The following HSPBP1 variants were observed in gnomAD, a reference collection of about 807,000 sequenced individuals.
The protein encoded by HSPBP1 is hsp70-binding protein 1.
HSPBP1 carries 31 observed loss-of-function variants against 41.7 expected under a neutral mutation model. The observed-to-expected ratio is 0.74, with a 90% CI of 0.56 to 1.00. The LOEUF (loss-of-function observed/expected upper bound fraction) is 1.00, where lower values mean the gene tolerates loss of function less well. HSPBP1 is among the 50% of genes least tolerant of loss of function. The pLI, the probability that HSPBP1 is intolerant of heterozygous loss-of-function variation, is 0.00. For synonymous variants in HSPBP1, 199 were observed against 214.4 expected (o/e 0.93, Z 0.63); for missense variants, 439 against 487.9 (o/e 0.90, Z 0.94).
At chr19:55,265,107 C>T (rs1468707627) in intron 7 of HSPBP1, among the ~76,000 whole-genome samples, 171 bp downstream of exon 7, 1 of 148,362 alleles carries the variant, frequency 6.7e-6, no homozygotes, top group African/African-American at 2.5e-5. Flanking sequence ...GTCCTCCTTG[C>T]ACCCCGTCAC....
At chr19:55,265,456 C>G in intron 6 of HSPBP1, 67 bp from the exon 7 acceptor site, 1 of 1,166,412 alleles carries the variant, frequency 8.6e-7, no homozygotes, top group Non-Finnish European at 1.3e-6. Context: ...AACCCTATCG[C>G]CCGCCCCGTC....
chr19:55,268,420 A>G lies in HSPBP1; in HGVS notation c.641-2134T>C, dbSNP rs1318684255. On this transcript the variant is annotated intron_variant, in intron 4 of 7. Transcript: ENST00000433386. The surrounding 1 kb of genome is among the most constrained non-coding windows in gnomAD (Gnocchi z 4.5). ...ACTCCAGCCTGAGCAAAAAGAGCGA[A>G]ACTCCATCTCACACACACACAAAAA... is the stretch of plus-strand genomic sequence containing the variant. 6.6e-6 allele frequency among the ~76,000 whole-genome samples: 1 copy of G among 152,072 alleles called. No homozygotes were observed. Among genetic ancestry groups the G allele is most frequent in the African/African-American group, 2.4e-5 (1 of 41,412 alleles).
At chr19:55,276,545 G>C (rs946195777) in intron 3 of HSPBP1, among the ~76,000 whole-genome samples, 3 of 152,176 alleles carry the variant, frequency 2.0e-5, no homozygotes, top group African/African-American at 7.2e-5. Context: ...GTTCTCATTT[G>C]ATTACTAATA....
chr19:55,274,107 C>T (rs147768077), intron 4 of HSPBP1, among the ~76,000 whole-genome samples: 152 of 152,154 alleles, frequency 1.0e-3, no homozygotes, highest in African/African-American at 3.0e-3. Flanking sequence ...AGTGAACCAG[C>T]GCCAGTGTGA....
At chr19:55,269,373 A>G (rs2087863772) in intron 4 of HSPBP1, among the ~76,000 whole-genome samples, 1 of 151,946 alleles carries the variant, frequency 6.6e-6, no homozygotes, top group Admixed American at 6.6e-5. Flanking sequence ...TTATCACCAT[A>G]ACCCCCCAGC....
rs907393490 is a variant in HSPBP1 at position 55,270,661 on chromosome 19, C to T, written c.640+3737G>A. Reference sequence around the variant, plus strand: ...CACATCTGAGGAAACGAGATTAATCCGTGTGTCTGTGTGCACACATACCAC... The same window carrying T: ...CACATCTGAGGAAACGAGATTAATCTGTGTGTCTGTGTGCACACATACCAC... On this transcript the variant is annotated intron_variant, in intron 4 of 7. Transcript: ENST00000433386. The surrounding 1 kb of genome is among the most constrained non-coding windows in gnomAD (Gnocchi z 5.4). Among the ~76,000 whole-genome samples the T allele has an allele frequency of 5.9e-5, 9 of 152,044 alleles. No individual in the cohort carries two copies. Among genetic ancestry groups the T allele is most frequent in the African/African-American group, 1.7e-4 (7 of 41,364 alleles).
Position 55,277,738 on chromosome 19 carries a change from TG to T in HSPBP1, c.318del (p.Thr107LeufsTer129). The stretch of plus-strand genomic sequence containing the variant: ...GCCGCCTGCTCGGCCTCCCCAGCAG[TG>T]GGGGGCATGGGCTGTGACAGCACTC... The part of the protein sequence containing the change: ...CLRVLSQPMP[P>X]TAGEAEQAAD... On this transcript the variant is annotated frameshift_variant, in exon 3 of 8. Coordinates refer to ENST00000433386, the MANE Select transcript of HSPBP1 (RefSeq NM_012267.5). LOFTEE classifies it high-confidence loss of function. 1 of 1,607,860 alleles carries T rather than the reference TG, an allele frequency of 6.2e-7. No homozygotes were observed. Among genetic ancestry groups the T allele is most frequent in the South Asian group, 1.1e-5 (1 of 89,956 alleles).
chr19:55,271,883 C>T (rs952944828), intron 4 of HSPBP1, among the ~76,000 whole-genome samples: 25 of 152,060 alleles, frequency 1.6e-4, no homozygotes, highest in Admixed American at 5.2e-4. Flanking sequence ...GGTGAAACCC[C>T]GTCTCTCTGT....
At chr19:55,271,121 G>A (rs928840666) in intron 4 of HSPBP1, among the ~76,000 whole-genome samples, 1 of 152,122 alleles carries the variant, frequency 6.6e-6, no homozygotes, top group East Asian at 1.9e-4. Flanking sequence ...TCTGGAATGG[G>A]GACCAGGTTT....
chr19:55,271,247 G>A (rs944005438), intron 4 of HSPBP1, among the ~76,000 whole-genome samples: 2 of 150,242 alleles, frequency 1.3e-5, no homozygotes, highest in Admixed American at 1.3e-4. Flanking sequence ...GTCTCACTCT[G>A]TCACCCAGGC....
rs1372788792 is a variant in HSPBP1 at position 55,265,327 on chromosome 19, T to G, written c.956A>C (p.Glu319Ala). ...ECREPELGLE[E>A]LLRHRCQLLQ... ...CAGCTGACAGCGGTGGCGGAGGAGC[T>G]CCTCCAGGCCCAGTTCCGGCTCCCG... Residue 319 changes from glutamate (E) to alanine (A), a missense_variant, in exon 7 of 8, where the codon GAG becomes GCG. Physicochemically the swap from Glu to Ala is moderately radical, Grantham distance 107. Transcript: ENST00000433386. The G allele has an allele frequency of 6.2e-6, 10 of 1,610,782 alleles. No individual in the cohort carries two copies. The East Asian group carries it at 2.2e-4, about 36-fold the overall frequency.
intron 7 of HSPBP1, 80 bp downstream of exon 7, chr19:55,265,198 A>G (rs1293052200): frequency 4.6e-6 from 1 of 218,082 alleles, no homozygotes; most frequent in Non-Finnish European, 7.7e-6. Context: ...TCCCCTCCCC[A>G]CACACCTAGT....
intron 4 of HSPBP1, among the ~76,000 whole-genome samples, chr19:55,267,045 T>C (rs1348286129): frequency 6.6e-6 from 1 of 152,246 alleles, no homozygotes; most frequent in Non-Finnish European, 1.5e-5. Flanking sequence ...CACTTCATTC[T>C]TTTTCATGGC....
chr19:55,265,009 C>T (rs1397881232), intron 7 of HSPBP1, among the ~76,000 whole-genome samples: 1 of 151,350 alleles, frequency 6.6e-6, no homozygotes, highest in African/African-American at 2.4e-5. Flanking sequence ...CCTGTCCCTT[C>T]CCCAACTCAC....
chr19:55,267,609 C>T (rs1316114460), intron 4 of HSPBP1, among the ~76,000 whole-genome samples: 1 of 151,792 alleles, frequency 6.6e-6, no homozygotes, highest in African/African-American at 2.4e-5. Flanking sequence ...TACAGGTATG[C>T]ACCACTACAC....
Position 55,262,359 on chromosome 19 carries a change from G to A in HSPBP1, c.*249C>T. ...GGCAGTGAAGGAGGAGAAGGAGGAA[G>A]AGAAACACCTTTATTGGAAGAGCTG... On this transcript the variant is annotated 3_prime_UTR_variant, in exon 8 of 8. Transcript: ENST00000433386. 1.5e-6 allele frequency: 2 copies of A among 1,325,794 alleles called. No individual in the cohort carries two copies. The highest frequency in any genetic ancestry group is 1.9e-6 in the Non-Finnish European group (2 of 1,034,166). The allele number at this position is 1,325,794 out of a possible 1,614,324, so 82.1% of individuals were successfully genotyped here.
chr19:55,262,639 G>A lies in HSPBP1; in HGVS notation c.1049C>T (p.Ser350Phe), dbSNP rs1424708977. ...ATCCATGCTGTCGTCCGCTGGGCTG[G>A]AGAAACAGGTCTGTAGCAGCTTTTC... ...FCEKLLQTCF[S>F]SPADDSMDR The change falls in exon 8 of 8, where the codon TCC becomes TTC. Residue 350 changes from serine (S) to phenylalanine (F), a missense_variant. By Grantham distance (155) the Ser-to-Phe change is radical (BLOSUM62 -2). Coordinates refer to ENST00000433386, the MANE Select transcript of HSPBP1 (RefSeq NM_012267.5). The A allele has an allele frequency of 1.9e-6, 3 of 1,613,808 alleles. No homozygotes were observed. The highest frequency in any genetic ancestry group is 3.3e-5 in the Admixed American group (2 of 59,976).
rs2088010609 is a variant in HSPBP1 at position 55,274,390 on chromosome 19, A to G, written c.640+8T>C. On this transcript the variant is annotated splice_region_variant and intron_variant, in intron 4 of 7. Transcript: ENST00000433386. ...CACCCCTGTCCCCAGCCCCACCCGG[A>G]CACTCACAGGAGATGGCGAAGAGGG... The G allele has an allele frequency of 6.0e-6, 5 of 840,092 alleles. No homozygotes were observed. The highest frequency in any genetic ancestry group is 8.1e-6 in the Non-Finnish European group (5 of 620,846). 52.0% of individuals were successfully genotyped at this position (840,092 alleles called of 1,614,324 possible).
chr19:55,272,818 A>G lies in HSPBP1; in HGVS notation c.640+1580T>C, dbSNP rs985315411. Among the ~76,000 whole-genome samples the G allele has an allele frequency of 6.6e-6, 1 of 150,644 alleles. No individual in the cohort carries two copies. The highest frequency in any genetic ancestry group is 2.5e-5 in the African/African-American group (1 of 40,706). On this transcript the variant is annotated intron_variant, in intron 4 of 7. Coordinates refer to ENST00000433386, the MANE Select transcript of HSPBP1 (RefSeq NM_012267.5). The surrounding 1 kb of genome is among the most constrained non-coding windows in gnomAD (Gnocchi z 4.2). The stretch of plus-strand genomic sequence containing the variant: ...GCGCCATTGCGCTCCAGCCTGGGTG[A>G]CAAGAGCGAGACTCTGTCTCAAAAA...
Sources: allele counts gnomAD v4.1 joint callset (sites outside exome capture counted in the v4.1 genomes callset), GRCh38; gene constraint gnomAD v4.1.1; non-coding constraint Gnocchi (gnomAD v3.1); transcripts MANE v1.5; gene names NCBI Gene and HGNC (gene_info 2026-07-23, HGNC 2026-07-21).